The following CEP112 variants were observed in gnomAD, a reference collection of about 807,000 sequenced individuals.
CEP112 encodes centrosomal protein 112, also known as centrosomal protein of 112 kDa.
CEP112 carries 127 observed loss-of-function variants against 153.0 expected under a neutral mutation model. That is an observed-to-expected ratio of 0.83 (90% CI 0.72 to 0.96). The LOEUF (loss-of-function observed/expected upper bound fraction) is 0.96. CEP112 is among the 40% of genes least tolerant of loss of function. The probability of loss-of-function intolerance (pLI) is 0.00; values close to 1 mark genes in which losing one functional copy is unlikely to be tolerated. For missense variants in CEP112, 1,089 were observed against 1,101.2 expected (o/e 0.99, Z 0.16); for synonymous variants, 358 against 374.4 (o/e 0.96, Z 0.51).
chr17:66,017,371 G>A (rs1419942206), intron 16 of CEP112, among the ~76,000 whole-genome samples: 1 of 152,042 alleles, frequency 6.6e-6, no homozygotes, highest in Non-Finnish European at 1.5e-5. Context: ...GGAAAATAAG[G>A]GACTCCCCTC....
At chr17:66,024,002 G>A (rs2065100304) in intron 16 of CEP112, among the ~76,000 whole-genome samples, 1 of 152,140 alleles carries the variant, frequency 6.6e-6, no homozygotes, top group Admixed American at 6.5e-5. Flanking sequence ...AGGGAGGCAA[G>A]GATGATTCAG....
intron 23 of CEP112, among the ~76,000 whole-genome samples, chr17:65,737,169 T>C (rs149662862): frequency 1.1e-4 from 16 of 152,008 alleles, no homozygotes; most frequent in African/African-American, 3.6e-4. Flanking sequence ...ATAAAATGAG[T>C]AAAGAAGAGT....
At chr17:66,188,179 C>T (rs931283738) in intron 1 of CEP112, among the ~76,000 whole-genome samples, 5 of 151,982 alleles carry the variant, frequency 3.3e-5, no homozygotes, top group African/African-American at 1.2e-4. Flanking sequence ...CTATAGCTTC[C>T]TGTTTAAAAA....
chr17:66,092,159 C>T (rs866805528), intron 8 of CEP112, among the ~76,000 whole-genome samples: 12 of 151,572 alleles, frequency 7.9e-5, no homozygotes, highest in African/African-American at 2.2e-4. Context: ...CCTGCCTCAG[C>T]CTCCCAAGTA....
chr17:66,071,870 G>A (rs565982125), intron 8 of CEP112, among the ~76,000 whole-genome samples: 5 of 152,284 alleles, frequency 3.3e-5, no homozygotes, highest in African/African-American at 9.6e-5. Flanking sequence ...CAATCTCAAT[G>A]ACACTAGGGT....
intron 16 of CEP112, among the ~76,000 whole-genome samples, chr17:66,019,694 C>T (rs374385371): frequency 9.2e-5 from 14 of 152,118 alleles, no homozygotes; most frequent in African/African-American, 1.7e-4. Context: ...TAACAAGTAA[C>T]GTTATTAAAA....
At chr17:65,740,111 T>C (rs958212940) in intron 23 of CEP112, among the ~76,000 whole-genome samples, 1 of 152,240 alleles carries the variant, frequency 6.6e-6, no homozygotes, top group South Asian at 2.1e-4. Context: ...CTCATATCTA[T>C]ATGTTTTGGG....
intron 11 of CEP112, among the ~76,000 whole-genome samples, chr17:66,059,896 T>C (rs1369856948): frequency 7.9e-5 from 12 of 152,088 alleles, no homozygotes; most frequent in Admixed American, 7.9e-4. Context: ...GGAATCAACC[T>C]AGATGTCCAT....
intron 21 of CEP112, among the ~76,000 whole-genome samples, chr17:65,755,058 T>C (rs1215424852): frequency 6.6e-6 from 1 of 151,786 alleles, no homozygotes; most frequent in Non-Finnish European, 1.5e-5. Flanking sequence ...CTGCACATCC[T>C]GTACATGTAG....
intron 16 of CEP112, among the ~76,000 whole-genome samples, chr17:66,024,672 T>C (rs989433574): frequency 2.0e-5 from 3 of 152,044 alleles, no homozygotes; most frequent in African/African-American, 7.2e-5. Context: ...GAAAAACATC[T>C]CATGCTCACG....
chr17:66,118,116 A>G (rs934977509), intron 6 of CEP112, among the ~76,000 whole-genome samples: 2 of 152,206 alleles, frequency 1.3e-5, no homozygotes, highest in Non-Finnish European at 2.9e-5. Flanking sequence ...TTCTTAAAAA[A>G]TTAAAAATAG....
chr17:65,963,678 T>G (rs1004495590), intron 17 of CEP112, among the ~76,000 whole-genome samples: 3 of 126,226 alleles, frequency 2.4e-5, no homozygotes, highest in Admixed American at 2.2e-4. Flanking sequence ...GATAGGGGTG[T>G]GTGTGTGTGT....
intron 8 of CEP112, among the ~76,000 whole-genome samples, chr17:66,083,325 G>T (rs2067795007): frequency 6.6e-6 from 1 of 152,142 alleles, no homozygotes; most frequent in Admixed American, 6.5e-5. Context: ...TGCCATGATT[G>T]TGAGGCCTCC....
chr17:66,184,788 T>C (rs566940014), intron 1 of CEP112, among the ~76,000 whole-genome samples: 1 of 151,898 alleles, frequency 6.6e-6, no homozygotes, highest in South Asian at 2.1e-4. Flanking sequence ...CACAAAAAAA[T>C]CCAAATGTGA....
chr17:66,019,280 GT>G (rs910965656), intron 16 of CEP112, among the ~76,000 whole-genome samples: 1 of 138,530 alleles, frequency 7.2e-6, no homozygotes, highest in Middle Eastern at 3.3e-3. Context: ...TATACCAAAA[GT>G]TATTGAATGT....
chr17:66,009,058 T>C (rs2064395153), intron 16 of CEP112, among the ~76,000 whole-genome samples: 1 of 152,122 alleles, frequency 6.6e-6, no homozygotes, highest in African/African-American at 2.4e-5. Context: ...AAGTGGAAAT[T>C]GCTGAATGAT....
At chr17:65,827,290 C>T (rs956072638) in intron 21 of CEP112, among the ~76,000 whole-genome samples, 6 of 152,114 alleles carry the variant, frequency 3.9e-5, no homozygotes, top group Non-Finnish European at 5.9e-5. Flanking sequence ...CCTTAATAAA[C>T]TCCCCTTCAT....
At chr17:65,647,173 G>T (rs200582750) in intron 24 of CEP112, among the ~76,000 whole-genome samples, 36 of 126,542 alleles carry the variant, frequency 2.8e-4, no homozygotes, top group Admixed American at 6.1e-4. Flanking sequence ...CTTGATTCTT[G>T]TTTTTTTTTT....
intron 23 of CEP112, among the ~76,000 whole-genome samples, chr17:65,736,976 C>G (rs1403240314): frequency 1.3e-5 from 2 of 152,092 alleles, no homozygotes; most frequent in Non-Finnish European, 2.9e-5. Flanking sequence ...CAACAGCGAC[C>G]CGCAGACATG....
Sources: allele counts gnomAD v4.1 joint callset (sites outside exome capture counted in the v4.1 genomes callset), GRCh38; gene constraint gnomAD v4.1.1; transcripts MANE v1.5; gene names NCBI Gene and HGNC (gene_info 2026-07-23, HGNC 2026-07-21).